ATP7B: variants seen among roughly 807,000 people sequenced by gnomAD.
The protein encoded by ATP7B is ATPase copper transporting beta, also known as copper-transporting ATPase 2.
Under a neutral mutation model 118.9 loss-of-function variants are expected in ATP7B, and 113 were observed. The observed-to-expected ratio is 0.95, with a 90% confidence interval of 0.82 to 1.11. ATP7B has a LOEUF of 1.11. Ranked by LOEUF, ATP7B falls within the 50% of genes most tolerant of loss-of-function variation. ATP7B has a pLI of 0.00. For synonymous variants in ATP7B, 777 were observed against 727.4 expected (o/e 1.07, Z -1.10); for missense variants, 1,867 against 1,871.4 (o/e 1.00, Z 0.04).
intron 1 of ATP7B, among the ~76,000 whole-genome samples, chr13:52,006,959 G>A (rs1953801518): frequency 6.6e-6 from 1 of 152,108 alleles, no homozygotes; most frequent in African/African-American, 2.4e-5. Context: ...CACAGGGGCT[G>A]ACCTCTCTTC....
rs777600732 is a variant in ATP7B at position 51,941,079 on chromosome 13, ACC to A, written c.3556_3556+1del. On this transcript the variant is annotated splice_donor_variant and coding_sequence_variant, in exon 16 of 21. Transcript: ENST00000242839. LOFTEE classifies it high-confidence loss of function. Reference sequence around the variant, plus strand: ...CGGAAGGAAGGCAGAAGCAGAAGATACCGTCAATAGCCACCAGGATGGCTGTC... The same window carrying A: ...CGGAAGGAAGGCAGAAGCAGAAGATAGTCAATAGCCACCAGGATGGCTGTC... 1.2e-6 allele frequency: 2 copies of A among 1,614,228 alleles called. No individual in the cohort carries two copies. Among genetic ancestry groups the A allele is most frequent in the Non-Finnish European group, 1.7e-6 (2 of 1,180,050 alleles).
At chr13:51,943,750 T>C (rs1957478450) in intron 14 of ATP7B, among the ~76,000 whole-genome samples, 1 of 152,070 alleles carries the variant, frequency 6.6e-6, no homozygotes, top group Non-Finnish European at 1.5e-5. Flanking sequence ...TCCCATTTCA[T>C]GTTTGTGTCC....
At chr13:51,940,992 T>C in intron 16 of ATP7B, 89 bp downstream of exon 16, 3 of 1,576,176 alleles carry the variant, frequency 1.9e-6, no homozygotes, top group Non-Finnish European at 2.6e-6. Flanking sequence ...TTTGTCTTCT[T>C]TTCTTTTATA....
chr13:52,002,444 C>T (rs1462963482), intron 1 of ATP7B, among the ~76,000 whole-genome samples: 1 of 148,380 alleles, frequency 6.7e-6, no homozygotes, highest in African/African-American at 2.5e-5. Context: ...CACATGCCTG[C>T]AGTCCCAACT....
rs1361145809 is a variant in ATP7B, at chr13:51,933,812, C to A, written c.*944G>T. On this transcript the variant is annotated 3_prime_UTR_variant, in exon 21 of 21. Transcript: ENST00000242839. ...TGGGCCGTGCAGGGAGGCTCCTGCA[C>A]ACATACGTTTCCCATGGGGCAAACG... 1.3e-5 allele frequency: 2 copies of A among 152,226 alleles called. No individual in the cohort carries two copies. Among genetic ancestry groups the A allele is most frequent in the Non-Finnish European group, 2.9e-5 (2 of 68,088 alleles). 9.4% of individuals were successfully genotyped at this position (152,226 alleles called of 1,614,324 possible). A position where few individuals can be genotyped will look rare whatever the true frequency, so the allele number is the denominator to read the frequency against.
intron 9 of ATP7B, among the ~76,000 whole-genome samples, chr13:51,952,751 C>T (rs7321909): frequency 0.56 from 85,575 of 152,096 alleles, 24,215 homozygotes; most frequent in Middle Eastern, 0.64. Context: ...CTCTGTGCTA[C>T]GAGGATTCAA....
In ATP7B at chr13:51,973,871, G is replaced by C. The variant is rs978414519; in HGVS notation, c.1285+64C>G. 2.5e-6 allele frequency: 4 copies of C among 1,609,716 alleles called. 1 individual carries two copies. In the East Asian group the frequency reaches 8.9e-5, roughly 36 times the overall value. On this transcript the variant is annotated intron_variant, in intron 2 of 20. Coordinates refer to ENST00000242839, the MANE Select transcript of ATP7B (RefSeq NM_000053.4). ...CAGGGCTCACCTATACCACCATCCA[G>C]GAGCTATAAGACACAAAGAGAAAAG...
Position 52,011,316 on chromosome 13 carries a change from T to G in ATP7B, c.22A>C (p.Ile8Leu). MPEQERQ[I>L]TAREGASRKI... is the part of the protein sequence containing the mutation. ...CGACTGGCCCCTTCTCTGGCTGTGATCTGTCTCTCCTGCTCAGGCATCGTC... is the reference window on the plus strand; with the variant it reads ...CGACTGGCCCCTTCTCTGGCTGTGAGCTGTCTCTCCTGCTCAGGCATCGTC... The change falls in exon 1 of 21, where the codon ATC (isoleucine) becomes CTC (leucine). Residue 8 changes from isoleucine to leucine, a missense_variant. Ile to Leu is a conservative substitution (Grantham distance 5). Transcript: ENST00000242839. The G allele has an allele frequency of 6.2e-7, 1 of 1,614,238 alleles. No individual in the cohort carries two copies. The highest frequency in any genetic ancestry group is 8.5e-7 in the Non-Finnish European group (1 of 1,180,022).
rs762339422 is a variant in ATP7B, at chr13:52,011,373, G to A, written c.-36C>T. 23 of 1,613,928 alleles carry A rather than the reference G, an allele frequency of 1.4e-5. No homozygotes were observed. In the East Asian group the frequency reaches 5.1e-4, roughly 36 times the overall value. ...GGACACCGAATTCTTCTCTGATCTG[G>A]CTCAGAGCAAAAGGTCACCTGGTCG... On this transcript the variant is annotated 5_prime_UTR_variant, in exon 1 of 21. Transcript: ENST00000242839.
At chr13:51,964,816 G>T in intron 5 of ATP7B, 56 bp downstream of exon 5, 15 of 1,581,094 alleles carry the variant, frequency 9.5e-6, no homozygotes, top group Non-Finnish European at 1.1e-5. Flanking sequence ...TTTCTTCACT[G>T]ATTATATATT....
At chr13:51,944,462 T>G (rs1957531332) in intron 13 of ATP7B, among the ~76,000 whole-genome samples, 171 bp from the exon 14 acceptor site, 1 of 152,186 alleles carries the variant, frequency 6.6e-6, no homozygotes. Context: ...CAACTCCCAC[T>G]GCAAAGAAAC....
Position 51,964,835 on chromosome 13 carries a change from T to C in ATP7B, c.1869+37A>G, listed in dbSNP as rs774994734. 6.2e-6 allele frequency: 10 copies of C among 1,606,000 alleles called. No homozygotes were observed. The African/African-American group carries it at 6.7e-5, about 11-fold the overall frequency. On this transcript the variant is annotated intron_variant, in intron 5 of 20. Coordinates refer to ENST00000242839, the MANE Select transcript of ATP7B (RefSeq NM_000053.4). The stretch of plus-strand genomic sequence containing the variant: ...TTCACTGATTATATATTACTGTTTT[T>C]AAAAAGGTGACTACAATTTTTTAAT...
chr13:51,998,730 T>G (rs1317487909), intron 1 of ATP7B, among the ~76,000 whole-genome samples: 1 of 152,230 alleles, frequency 6.6e-6, no homozygotes, highest in African/African-American at 2.4e-5. Context: ...CTCTTTGGTG[T>G]CCTAAACAAT....
At chr13:51,980,743 T>C (rs987756261) in intron 1 of ATP7B, among the ~76,000 whole-genome samples, 8 of 152,246 alleles carry the variant, frequency 5.3e-5, no homozygotes, top group African/African-American at 9.6e-5. Context: ...TTGATCACTC[T>C]TGGATTCCCA....
Position 51,934,858 on chromosome 13 carries a change from G to A in ATP7B, c.4296C>T (p.Ser1432=), listed in dbSNP as rs776367340. 4.3e-6 allele frequency: 7 copies of A among 1,614,216 alleles called. No homozygotes were observed. The highest frequency in any genetic ancestry group is 2.5e-6 in the Non-Finnish European group (3 of 1,180,048). Residue 1432 remains serine, a synonymous_variant, in exon 21 of 21, where the codon TCC becomes TCT. Coordinates refer to ENST00000242839, the MANE Select transcript of ATP7B (RefSeq NM_000053.4). ...GCCGAGATGGCTTGTCGGACGTCAGGGAGGACAGCGACACCTGGCTGACAT... is the reference window on the plus strand; with the variant it reads ...GCCGAGATGGCTTGTCGGACGTCAGAGAGGACAGCGACACCTGGCTGACAT... ...VSYVSQVSLS[S]LTSDKPSRHS... is the part of the protein sequence containing the mutation.
chr13:51,967,101 T>C lies in ATP7B; in HGVS notation c.1707+1343A>G. The C allele has an allele frequency of 3.1e-6, 5 of 1,596,588 alleles. No homozygotes were observed. The South Asian group carries it at 5.5e-5, about 18-fold the overall frequency. ...AAGATGGGAAATTAGTGGTGGAGTG[T>C]GTCATGAACAATGTCACCTGTACTC... On this transcript the variant is annotated intron_variant, in intron 4 of 20. Transcript: ENST00000242839.
Position 51,950,149 on chromosome 13 carries a change from G to C in ATP7B, c.2588C>G (p.Pro863Arg). The C allele has an allele frequency of 6.2e-7, 1 of 1,614,158 alleles. No homozygotes were observed. The highest frequency in any genetic ancestry group is 1.7e-5 in the Admixed American group (1 of 60,028). Residue 863 changes from proline (P) to arginine (R), a missense_variant, in exon 11 of 21, where the codon CCA (proline) becomes CGA (arginine). Coordinates refer to ENST00000242839, the MANE Select transcript of ATP7B (RefSeq NM_000053.4). ...AGTGCTTCCGGGTTTCTTAGTGACT[G>C]GCATGGCTTCTCCTAGACGTAGGAA... ...DESLITGEAM[P>R]VTKKPGSTVI...
chr13:51,948,548 A>G (rs904657763), intron 12 of ATP7B, among the ~76,000 whole-genome samples: 1 of 152,184 alleles, frequency 6.6e-6, no homozygotes, highest in African/African-American at 2.4e-5. Flanking sequence ...TTTTAAGTAC[A>G]TTATCAAGGT....
chr13:51,984,627 C>T (rs980022836), intron 1 of ATP7B, among the ~76,000 whole-genome samples: 1 of 152,014 alleles, frequency 6.6e-6, no homozygotes, highest in African/African-American at 2.4e-5. Context: ...ATTCACCAAG[C>T]TTGAAATGAA....
Sources: allele counts gnomAD v4.1 joint callset (sites outside exome capture counted in the v4.1 genomes callset), GRCh38; gene constraint gnomAD v4.1.1; transcripts MANE v1.5; gene names NCBI Gene and HGNC (gene_info 2026-07-23, HGNC 2026-07-21).